The following BCKDHB variants were observed in gnomAD, a reference collection of about 807,000 sequenced individuals.
BCKDHB encodes 2-oxoisovalerate dehydrogenase subunit beta, mitochondrial.
Under a neutral mutation model 48.5 loss-of-function variants are expected in BCKDHB, and 41 were observed. That is an observed-to-expected ratio of 0.85 (90% CI 0.66 to 1.10). The LOEUF (loss-of-function observed/expected upper bound fraction) is 1.10, where lower values mean the gene tolerates loss of function less well. Among genes scored for constraint, BCKDHB ranks in the 50% least tolerant of loss-of-function variants. The pLI, the probability that BCKDHB is intolerant of heterozygous loss-of-function variation, is 0.00. For synonymous variants in BCKDHB, 201 were observed against 174.8 expected, an observed-to-expected ratio of 1.15 and a Z score of -1.18; for missense variants, 496 against 494.2, an observed-to-expected ratio of 1.00 and a Z score of -0.03.
At chr6:80,211,772 G>T (rs1480820976) in intron 8 of BCKDHB, among the ~76,000 whole-genome samples, 1 of 152,056 alleles carries the variant, frequency 6.6e-6, no homozygotes, top group Non-Finnish European at 1.5e-5. Flanking sequence ...GTGTTGGCTG[G>T]CTGAGAAATA....
the BCKDHB span, among the ~76,000 whole-genome samples, chr6:80,354,988 CTT>C: frequency 6.6e-6 from 1 of 152,090 alleles, no homozygotes; most frequent in Non-Finnish European, 1.5e-5. Context: ...TATTTGGACT[CTT>C]TTTTGTTCCA....
chr6:80,440,258 G>A, the BCKDHB span, among the ~76,000 whole-genome samples: 1,157 of 152,252 alleles, frequency 7.6e-3, 20 homozygotes, highest in African/African-American at 0.026. Context: ...GTATGCATGA[G>A]CCAAGGACTG....
rs1772659823 is a variant in BCKDHB at position 80,167,907 on chromosome 6, T to G, written c.477+96T>G. ...CACCCTTACCTGCATTCTAAACATT[T>G]TATTATCCTTTTACTAATGTATTAC... On this transcript the variant is annotated intron_variant, in intron 4 of 9. Coordinates refer to ENST00000320393, the MANE Select transcript of BCKDHB (RefSeq NM_183050.4). The G allele has an allele frequency of 6.5e-6, 8 of 1,225,140 alleles. No individual in the cohort carries two copies. The East Asian group carries it at 1.8e-4, about 27-fold the overall frequency. The allele number at this position is 1,225,140 out of a possible 1,614,324, so 75.9% of individuals were successfully genotyped here. A position where few individuals can be genotyped will look rare whatever the true frequency, so the allele number is the denominator to read the frequency against.
intron 8 of BCKDHB, among the ~76,000 whole-genome samples, chr6:80,258,425 G>T (rs762245386): frequency 6.6e-6 from 1 of 152,192 alleles, no homozygotes; most frequent in East Asian, 1.9e-4. Flanking sequence ...ACAAAATTTT[G>T]TTATTCTTCC....
intron 9 of BCKDHB, chr6:80,307,548 A>T: frequency 2.0e-6 from 2 of 984,868 alleles, no homozygotes; most frequent in Non-Finnish European, 2.4e-6. Context: ...ACGTCTCCAG[A>T]TGGGTCCATG....
At chr6:80,167,638 T>C (rs2127773250) in intron 3 of BCKDHB, 40 bp from the exon 4 acceptor site, 1 of 1,553,712 alleles carries the variant, frequency 6.4e-7, no homozygotes, top group South Asian at 1.1e-5. Flanking sequence ...GACATTACTC[T>C]CATTTGCCAC....
the BCKDHB span, among the ~76,000 whole-genome samples, chr6:80,434,299 C>T: frequency 6.6e-6 from 1 of 151,470 alleles, no homozygotes; most frequent in Non-Finnish European, 1.5e-5. Flanking sequence ...TAAAAACATA[C>T]AACAGATTAT....
At chr6:80,342,821 G>A (rs773078455) in intron 9 of BCKDHB, among the ~76,000 whole-genome samples, 23 of 152,074 alleles carry the variant, frequency 1.5e-4, no homozygotes, top group Non-Finnish European at 2.5e-4. Flanking sequence ...TTTTACTTGA[G>A]TAACATTTTT....
chr6:80,106,884 A>G lies in BCKDHB; in HGVS notation c.191A>G (p.Glu64Gly), dbSNP rs1436793306. 1.2e-6 allele frequency: 2 copies of G among 1,604,848 alleles called. No individual in the cohort carries two copies. The highest frequency in any genetic ancestry group is 2.2e-5 in the East Asian group (1 of 44,546). ...TTCCAGCCAGATCCGGAGCCCCGGGAGTACGGTGAGCCCTGGGACTGCCCA... is the reference window on the plus strand; with the variant it reads ...TTCCAGCCAGATCCGGAGCCCCGGGGGTACGGTGAGCCCTGGGACTGCCCA... ...FTFQPDPEPR[E>G]YGQTQKMNLF... The change falls in exon 1 of 10, where the codon GAG (glutamate) becomes GGG (glycine). Residue 64 changes from glutamate (E) to glycine (G), a missense_variant. Transcript: ENST00000320393.
At chr6:80,139,575 G>T (rs949506143) in intron 3 of BCKDHB, among the ~76,000 whole-genome samples, 11 of 151,248 alleles carry the variant, frequency 7.3e-5, no homozygotes, top group Non-Finnish European at 1.2e-4. Flanking sequence ...TTTCCCCATT[G>T]CTTGTTTTTC....
chr6:80,381,074 CAT>C, the BCKDHB span, among the ~76,000 whole-genome samples: 8 of 151,960 alleles, frequency 5.3e-5, no homozygotes, highest in Non-Finnish European at 8.8e-5. Context: ...ATAATTCAGA[CAT>C]ATAAAATGAT....
At chr6:80,340,786 T>A (rs1769853146) in intron 9 of BCKDHB, among the ~76,000 whole-genome samples, 1 of 152,138 alleles carries the variant, frequency 6.6e-6, no homozygotes, top group African/African-American at 2.4e-5. Flanking sequence ...TGTGTGTGTG[T>A]GTGTTTGTGT....
intron 9 of BCKDHB, among the ~76,000 whole-genome samples, chr6:80,300,014 A>T (rs1200711160): frequency 6.6e-6 from 1 of 152,100 alleles, no homozygotes; most frequent in African/African-American, 2.4e-5. Flanking sequence ...AAGACCTATC[A>T]TGCAAACGGA....
chr6:80,280,133 C>G (rs930798842), intron 9 of BCKDHB, among the ~76,000 whole-genome samples: 3 of 152,122 alleles, frequency 2.0e-5, no homozygotes, highest in Non-Finnish European at 4.4e-5. Context: ...CCTGAAGAAT[C>G]TTAAATATTA....
intron 8 of BCKDHB, among the ~76,000 whole-genome samples, chr6:80,261,309 G>A (rs534068250): frequency 9.9e-5 from 15 of 152,034 alleles, no homozygotes; most frequent in African/African-American, 2.4e-4. Context: ...AGGAAAGCAC[G>A]TCCATGCTCT....
intron 9 of BCKDHB, among the ~76,000 whole-genome samples, chr6:80,303,465 A>G (rs888930334): frequency 2.0e-5 from 3 of 151,976 alleles, no homozygotes; most frequent in Admixed American, 2.0e-4. Context: ...TCTCCTTTCA[A>G]CTTCTTCAAA....
intron 9 of BCKDHB, among the ~76,000 whole-genome samples, chr6:80,275,537 C>T (rs1777931715): frequency 6.6e-6 from 1 of 151,834 alleles, no homozygotes; most frequent in African/African-American, 2.4e-5. Flanking sequence ...TTGCTTAATT[C>T]AGATTTTATT....
intron 3 of BCKDHB, among the ~76,000 whole-genome samples, chr6:80,150,885 TTTTA>T (rs1771740594): frequency 6.6e-6 from 1 of 152,182 alleles, no homozygotes; most frequent in African/African-American, 2.4e-5. Flanking sequence ...CAGAAATCTT[TTTTA>T]TTTAACTTCT....
At chr6:80,370,921 G>C in the BCKDHB span, among the ~76,000 whole-genome samples, 1 of 151,724 alleles carries the variant, frequency 6.6e-6, no homozygotes, top group African/African-American at 2.4e-5. Flanking sequence ...CCATATTTTT[G>C]CAATTGCAAA....
Sources: gnomAD v4.1 joint callset for allele counts (sites outside exome capture counted in the v4.1 genomes callset) on GRCh38, gnomAD v4.1.1 for gene constraint, MANE v1.5 for transcripts, NCBI Gene and HGNC (gene_info 2026-07-23, HGNC 2026-07-21) for gene names.